KIAA1217: variants seen among roughly 807,000 people sequenced by gnomAD.
KIAA1217 encodes sickle tail protein homolog.
A neutral mutation model predicts 163.9 loss-of-function variants in KIAA1217; 88 were observed. That is an observed-to-expected ratio of 0.54 (90% CI 0.45 to 0.64). The LOEUF is 0.64. Among genes scored for constraint, KIAA1217 ranks in the 30% least tolerant of loss-of-function variants. KIAA1217 has a pLI of 0.00. For synonymous variants in KIAA1217, 903 were observed against 923.1 expected, an observed-to-expected ratio of 0.98 and a Z score of 0.39; for missense variants, 2,372 against 2,475.0, an observed-to-expected ratio of 0.96 and a Z score of 0.88.
intron 1 of KIAA1217, among the ~76,000 whole-genome samples, chr10:23,956,733 A>G (rs1844577490): frequency 6.6e-6 from 1 of 152,182 alleles, no homozygotes; most frequent in Admixed American, 6.5e-5. Flanking sequence ...GGCAGAAGGC[A>G]AAGGGAGCCA....
At chr10:24,266,253 ATTT>A (rs1354388489) in intron 2 of KIAA1217, among the ~76,000 whole-genome samples, 1 of 151,918 alleles carries the variant, frequency 6.6e-6, no homozygotes, top group Non-Finnish European at 1.5e-5. Flanking sequence ...TAATTTTTGT[ATTT>A]TTAGTAGAGA....
intron 1 of KIAA1217, among the ~76,000 whole-genome samples, chr10:23,913,129 A>G (rs1440469733): frequency 6.6e-6 from 1 of 152,164 alleles, no homozygotes; most frequent in Non-Finnish European, 1.5e-5. Flanking sequence ...CTGTGAGTTT[A>G]CAGTGACGTG....
At chr10:24,449,173 G>A (rs1311414836) in intron 5 of KIAA1217, among the ~76,000 whole-genome samples, 3 of 152,182 alleles carry the variant, frequency 2.0e-5, no homozygotes, top group Non-Finnish European at 2.9e-5. Context: ...CAGAACATGG[G>A]AGATATTTTC....
At chr10:23,702,578 A>C (rs911128745) in intron 1 of KIAA1217, among the ~76,000 whole-genome samples, 4 of 151,310 alleles carry the variant, frequency 2.6e-5, no homozygotes, top group African/African-American at 9.7e-5. Context: ...AATTGCCATC[A>C]TGTTACACCA....
intron 1 of KIAA1217, among the ~76,000 whole-genome samples, chr10:23,718,036 C>A (rs1348842729): frequency 1.3e-5 from 2 of 152,188 alleles, no homozygotes; most frequent in African/African-American, 4.8e-5. Context: ...ATTGGTTCGT[C>A]TAAGTCCTCC....
intron 1 of KIAA1217, among the ~76,000 whole-genome samples, chr10:23,766,948 A>G (rs1002549652): frequency 2.0e-5 from 3 of 152,166 alleles, no homozygotes; most frequent in South Asian, 4.1e-4. Flanking sequence ...CAAACATTCC[A>G]TCTACCACCT....
intron 1 of KIAA1217, among the ~76,000 whole-genome samples, chr10:23,832,265 T>C (rs1838241041): frequency 6.6e-6 from 1 of 152,212 alleles, no homozygotes; most frequent in Non-Finnish European, 1.5e-5. Context: ...ATTACTGGTC[T>C]ATTATAAAGA....
intron 1 of KIAA1217, among the ~76,000 whole-genome samples, chr10:23,799,817 G>A (rs971100408): frequency 4.6e-5 from 7 of 152,096 alleles, no homozygotes; most frequent in Non-Finnish European, 7.4e-5. Flanking sequence ...AAGGACCACC[G>A]TCTTTGGAAT....
intron 5 of KIAA1217, among the ~76,000 whole-genome samples, chr10:24,444,674 GA>G (rs1462829988): frequency 1.3e-5 from 2 of 152,180 alleles, no homozygotes; most frequent in Non-Finnish European, 2.9e-5. Context: ...TATCATTAAT[GA>G]GGACCCACTG....
chr10:24,006,836 G>C (rs770262746), intron 1 of KIAA1217, among the ~76,000 whole-genome samples: 1 of 152,092 alleles, frequency 6.6e-6, no homozygotes, highest in Non-Finnish European at 1.5e-5. Flanking sequence ...CTTAATAAAG[G>C]GATTAGAGAT....
intron 2 of KIAA1217, among the ~76,000 whole-genome samples, chr10:24,087,810 T>A (rs561308885): frequency 6.6e-6 from 1 of 152,272 alleles, no homozygotes; most frequent in African/African-American, 2.4e-5. Flanking sequence ...TCCACACTTA[T>A]GCATTCTAAT....
At chr10:23,773,735 G>A (rs1170484008) in intron 1 of KIAA1217, among the ~76,000 whole-genome samples, 2 of 151,942 alleles carry the variant, frequency 1.3e-5, no homozygotes, top group African/African-American at 4.8e-5. Context: ...ATTGTGAATG[G>A]GAGTTCACTC....
chr10:24,506,205 G>A (rs1213216026), intron 9 of KIAA1217, among the ~76,000 whole-genome samples: 6 of 152,158 alleles, frequency 3.9e-5, no homozygotes, highest in Admixed American at 3.9e-4. Context: ...GATCCAGGTG[G>A]GATCAGGAGT....
At chr10:24,409,439 A>G (rs1399897846) in intron 3 of KIAA1217, among the ~76,000 whole-genome samples, 1 of 152,170 alleles carries the variant, frequency 6.6e-6, no homozygotes, top group East Asian at 1.9e-4. Context: ...CAGATCAGTA[A>G]TTGCTCAGGG....
At chr10:24,066,508 A>T (rs1052065268) in intron 2 of KIAA1217, among the ~76,000 whole-genome samples, 1 of 152,038 alleles carries the variant, frequency 6.6e-6, no homozygotes, top group Non-Finnish European at 1.5e-5. Context: ...CTGCCGAGAG[A>T]TTATCTGTTA....
At chr10:24,531,079 C>A (rs901045914) in intron 14 of KIAA1217, among the ~76,000 whole-genome samples, 36 of 151,940 alleles carry the variant, frequency 2.4e-4, no homozygotes, top group Non-Finnish European at 2.9e-5. Context: ...GTGACACACA[C>A]CTGTAATGCC....
chr10:23,911,302 C>T (rs1194271833), intron 1 of KIAA1217, among the ~76,000 whole-genome samples: 1 of 152,066 alleles, frequency 6.6e-6, no homozygotes, highest in Admixed American at 6.6e-5. Flanking sequence ...GCCTCCAGGC[C>T]CTTTATCCCT....
intron 1 of KIAA1217, among the ~76,000 whole-genome samples, chr10:23,957,164 C>G (rs1044985346): frequency 6.6e-6 from 1 of 152,136 alleles, no homozygotes; most frequent in Non-Finnish European, 1.5e-5. Flanking sequence ...AGCAGAACAA[C>G]GGAATCCACC....
At chr10:23,884,387 C>G (rs1841084160) in intron 1 of KIAA1217, among the ~76,000 whole-genome samples, 2 of 151,954 alleles carry the variant, frequency 1.3e-5, no homozygotes, top group South Asian at 4.2e-4. Flanking sequence ...CTTTTCTTAC[C>G]CATTCTTGAT....
Sources: gnomAD v4.1 joint callset for allele counts (sites outside exome capture counted in the v4.1 genomes callset) on GRCh38, gnomAD v4.1.1 for gene constraint, MANE v1.5 for transcripts, NCBI Gene and HGNC (gene_info 2026-07-23, HGNC 2026-07-21) for gene names.